The following LIMCH1 variants were observed in gnomAD, a reference collection of about 807,000 sequenced individuals.
LIMCH1 encodes LIM and calponin homology domains 1.
LIMCH1 carries 113 observed loss-of-function variants against 176.5 expected under a neutral mutation model. That is an observed-to-expected ratio of 0.64 (90% CI 0.55 to 0.75). The LOEUF (loss-of-function observed/expected upper bound fraction) is 0.75, where lower values mean the gene tolerates loss of function less well. LIMCH1 is among the 30% of genes least tolerant of loss of function. The pLI is 0.00. For synonymous variants in LIMCH1, 619 were observed against 645.9 expected, an observed-to-expected ratio of 0.96 and a Z score of 0.63; for missense variants, 1,674 against 1,814.9, an observed-to-expected ratio of 0.92 and a Z score of 1.41.
At chr4:41,660,271 G>T (rs2094576012) in intron 18 of LIMCH1, among the ~76,000 whole-genome samples, 1 of 151,818 alleles carries the variant, frequency 6.6e-6, no homozygotes, top group Non-Finnish European at 1.5e-5. Context: ...CCCAATTATT[G>T]GATATTTAAG....
intron 1 of LIMCH1, among the ~76,000 whole-genome samples, chr4:41,403,609 A>G (rs1305292621): frequency 5.3e-5 from 8 of 152,174 alleles, no homozygotes; most frequent in Non-Finnish European, 1.0e-4. Context: ...AATAAAATTA[A>G]GAGACCCATC....
intron 2 of LIMCH1, among the ~76,000 whole-genome samples, chr4:41,495,684 A>G (rs774391942): frequency 1.3e-5 from 2 of 152,190 alleles, no homozygotes; most frequent in Non-Finnish European, 2.9e-5. Flanking sequence ...TTCTAAAATC[A>G]TAATAAAAAA....
At chr4:41,581,252 G>A (rs930981238) in intron 1 of LIMCH1, among the ~76,000 whole-genome samples, 4 of 152,030 alleles carry the variant, frequency 2.6e-5, no homozygotes, top group East Asian at 3.9e-4. Context: ...TGTATACACC[G>A]TGAAATGACC....
At chr4:41,653,965 G>A (rs2094388708) in intron 18 of LIMCH1, among the ~76,000 whole-genome samples, 1 of 152,222 alleles carries the variant, frequency 6.6e-6, no homozygotes, top group African/African-American at 2.4e-5. Context: ...GATTGTGATA[G>A]CAGTTACCTT....
intron 1 of LIMCH1, among the ~76,000 whole-genome samples, chr4:41,415,157 G>T (rs530573697): frequency 6.6e-6 from 1 of 152,178 alleles, no homozygotes; most frequent in South Asian, 2.1e-4. Flanking sequence ...AATATTAAGG[G>T]TACCACCCTT....
At chr4:41,538,555 C>CTT (rs60418235) in intron 1 of LIMCH1, among the ~76,000 whole-genome samples, 1,612 of 143,196 alleles carry the variant, frequency 0.011, 40 homozygotes, top group African/African-American at 0.037. Flanking sequence ...TTTAATTAAG[C>CTT]TTTTTTTTTT....
At chr4:41,603,153 T>C (rs2090216901) in intron 2 of LIMCH1, among the ~76,000 whole-genome samples, 1 of 152,202 alleles carries the variant, frequency 6.6e-6, no homozygotes, top group Non-Finnish European at 1.5e-5. Context: ...CCGAAGTTAC[T>C]GTGGAAAAAA....
chr4:41,388,298 A>G (rs1457015726), intron 1 of LIMCH1, among the ~76,000 whole-genome samples: 3 of 152,274 alleles, frequency 2.0e-5, no homozygotes, highest in East Asian at 1.9e-4. Context: ...TATCCATACA[A>G]TGGAATACTC....
chr4:41,696,072 T>A (rs970681074), intron 31 of LIMCH1, among the ~76,000 whole-genome samples: 2 of 152,302 alleles, frequency 1.3e-5, no homozygotes, highest in African/African-American at 4.8e-5. Flanking sequence ...AACCTGAATA[T>A]ATAATCCTAT....
rs760044143 is a variant in LIMCH1, at chr4:41,605,984, T to C, written c.-12T>C. The stretch of plus-strand genomic sequence containing the variant: ...ACTAAACCTGAAGGAGTTTGAAGGA[T>C]TGTTGGCTCAGATGCGAAAGGTAAC... On this transcript the variant is annotated 5_prime_UTR_variant, in exon 4 of 32. Transcript: ENST00000503057. 21 of 1,613,390 alleles carry C rather than the reference T, an allele frequency of 1.3e-5. No individual in the cohort carries two copies. Among genetic ancestry groups the C allele is most frequent in the Non-Finnish European group, 1.8e-5 (21 of 1,179,432 alleles).
intron 1 of LIMCH1, among the ~76,000 whole-genome samples, chr4:41,388,492 G>T (rs2056786555): frequency 6.6e-6 from 1 of 152,246 alleles, no homozygotes; most frequent in Non-Finnish European, 1.5e-5. Context: ...ACCATTAACT[G>T]CTCATGGGCA....
chr4:41,631,074 T>G (rs1366796662), intron 9 of LIMCH1, 74 bp from the exon 10 acceptor site: 22 of 1,308,312 alleles, frequency 1.7e-5, no homozygotes, highest in Middle Eastern at 1.9e-4. Flanking sequence ...AGTTTTTTTT[T>G]TTGTTTTTTT....
chr4:41,382,118 A>G (rs1399179081), intron 1 of LIMCH1, among the ~76,000 whole-genome samples: 5 of 152,222 alleles, frequency 3.3e-5, no homozygotes, highest in African/African-American at 9.6e-5. Context: ...GTAAATGCCT[A>G]GTGTTGTTTA....
intron 23 of LIMCH1, among the ~76,000 whole-genome samples, chr4:41,679,349 C>T (rs1266130340): frequency 6.6e-6 from 1 of 152,138 alleles, no homozygotes. Flanking sequence ...CACTTTTATT[C>T]TTAGTGTGTT....
chr4:41,528,109 G>A (rs1274838312), intron 3 of LIMCH1, among the ~76,000 whole-genome samples: 1 of 148,690 alleles, frequency 6.7e-6, no homozygotes, highest in African/African-American at 2.6e-5. Flanking sequence ...ATATGCTGGA[G>A]TATTTTGAAA....
chr4:41,661,639 G>T, intron 19 of LIMCH1, 129 bp downstream of exon 19: 5 of 720,490 alleles, frequency 6.9e-6, no homozygotes, highest in Non-Finnish European at 1.2e-5. Context: ...TGGTGCGGTT[G>T]TGCTGCCACC....
chr4:41,390,275 C>A (rs868360736), intron 1 of LIMCH1, among the ~76,000 whole-genome samples: 184 of 107,956 alleles, frequency 1.7e-3, no homozygotes, highest in Middle Eastern at 0.016. Context: ...AGAGAGAGAG[C>A]GAGAGCGCTC....
chr4:41,651,841 T>C (rs1381582402), intron 18 of LIMCH1, among the ~76,000 whole-genome samples: 3 of 152,238 alleles, frequency 2.0e-5, no homozygotes, highest in African/African-American at 4.8e-5. Flanking sequence ...AATAACATGA[T>C]ATTTGTTTCT....
chr4:41,635,496 G>A (rs772317075), intron 13 of LIMCH1, among the ~76,000 whole-genome samples: 17 of 152,216 alleles, frequency 1.1e-4, no homozygotes, highest in South Asian at 4.1e-4. Flanking sequence ...CCAAAGTCCC[G>A]GGATTACAGG....
Sources: allele counts gnomAD v4.1 joint callset (sites outside exome capture counted in the v4.1 genomes callset), GRCh38; gene constraint gnomAD v4.1.1; transcripts MANE v1.5; gene names NCBI Gene and HGNC (gene_info 2026-07-23, HGNC 2026-07-21).